CARMIL1: variants seen among roughly 807,000 people sequenced by gnomAD.
The protein encoded by CARMIL1 is capping protein regulator and myosin 1 linker 1.
In CARMIL1, 90 loss-of-function variants were observed where a neutral mutation model predicts 177.1. The observed-to-expected ratio is 0.51, with a 90% CI of 0.43 to 0.61. CARMIL1 has a LOEUF of 0.61. Among genes scored for constraint, CARMIL1 ranks in the 20% least tolerant of loss-of-function variants. The pLI, the probability that CARMIL1 is intolerant of heterozygous loss-of-function variation, is 0.00. For missense variants in CARMIL1, 1,380 were observed against 1,667.0 expected (o/e 0.83, Z 3.00); for synonymous variants, 577 against 606.2 (o/e 0.95, Z 0.71).
intron 2 of CARMIL1, among the ~76,000 whole-genome samples, chr6:25,386,916 T>C (rs1229863428): frequency 6.6e-6 from 1 of 151,344 alleles, no homozygotes; most frequent in Non-Finnish European, 1.5e-5. Context: ...TCACCTGAGG[T>C]CAGGAGTTCA....
chr6:25,433,748 G>A lies in CARMIL1; in HGVS notation c.250-1735G>A, dbSNP rs1048199247. On this transcript the variant is annotated intron_variant, in intron 4 of 36. Coordinates refer to ENST00000329474, the MANE Select transcript of CARMIL1 (RefSeq NM_017640.6). Reference sequence around the variant, plus strand: ...CAGAAGTGGTATTTATCAAATACTCGTTGACAGATTCTTCTAGAGGTATTT... The same window carrying A: ...CAGAAGTGGTATTTATCAAATACTCATTGACAGATTCTTCTAGAGGTATTT... Among the ~76,000 whole-genome samples the A allele has an allele frequency of 2.0e-5, 3 of 152,240 alleles. No individual in the cohort carries two copies. The East Asian group carries it at 5.8e-4, about 29-fold the overall frequency.
intron 26 of CARMIL1, among the ~76,000 whole-genome samples, chr6:25,544,641 A>ACACACACACC (rs1181480241): frequency 1.4e-5 from 2 of 143,990 alleles, no homozygotes; most frequent in African/African-American, 5.2e-5. Flanking sequence ...ACACACACAC[A>ACACACACACC]CACACCCCAA....
At chr6:25,345,747 G>C (rs560120124) in intron 2 of CARMIL1, among the ~76,000 whole-genome samples, 67 of 152,266 alleles carry the variant, frequency 4.4e-4, no homozygotes, top group African/African-American at 1.6e-3. Context: ...CTCCTGAGTA[G>C]CTGGGCTTAC....
At chr6:25,451,973 T>C in intron 8 of CARMIL1, 1 of 465,142 alleles carries the variant, frequency 2.1e-6, no homozygotes, top group Admixed American at 2.5e-5. Flanking sequence ...TGTCATCTCA[T>C]CACTAGCATC....
At chr6:25,532,797 C>T (rs1033184668) in intron 24 of CARMIL1, among the ~76,000 whole-genome samples, 6 of 152,170 alleles carry the variant, frequency 3.9e-5, no homozygotes, top group Non-Finnish European at 8.8e-5. Flanking sequence ...AATTAGGACT[C>T]AGCAAACCTT....
At chr6:25,438,682 G>T (rs897474426) in intron 5 of CARMIL1, among the ~76,000 whole-genome samples, 1 of 152,152 alleles carries the variant, frequency 6.6e-6, no homozygotes, top group African/African-American at 2.4e-5. Flanking sequence ...GAACAAAGAT[G>T]GGAAGGGATG....
intron 2 of CARMIL1, among the ~76,000 whole-genome samples, chr6:25,391,776 A>T (rs1294663846): frequency 6.6e-6 from 1 of 152,176 alleles, no homozygotes; most frequent in Admixed American, 6.5e-5. Context: ...ACATCTGTAG[A>T]GGCATGGTGG....
chr6:25,481,073 C>A (rs1051737743), intron 11 of CARMIL1, among the ~76,000 whole-genome samples: 1 of 151,964 alleles, frequency 6.6e-6, no homozygotes, highest in Admixed American at 6.5e-5. Context: ...TGTCTTCCCC[C>A]CTTTCCCACA....
At chr6:25,367,114 G>A (rs561419401) in intron 2 of CARMIL1, among the ~76,000 whole-genome samples, 3 of 152,132 alleles carry the variant, frequency 2.0e-5, no homozygotes, top group African/African-American at 7.2e-5. Flanking sequence ...GTGAAAATTG[G>A]TTTCTCTCAA....
chr6:25,327,664 T>C (rs1192252651), intron 2 of CARMIL1, among the ~76,000 whole-genome samples: 1 of 152,192 alleles, frequency 6.6e-6, no homozygotes, highest in African/African-American at 2.4e-5. Flanking sequence ...CTTTTATTAC[T>C]ATATTTAAAG....
chr6:25,356,247 C>T (rs1419390060), intron 2 of CARMIL1, among the ~76,000 whole-genome samples: 1 of 152,048 alleles, frequency 6.6e-6, no homozygotes, highest in Non-Finnish European at 1.5e-5. Context: ...TTAGTAGAGA[C>T]AGGGTTTCAC....
At chr6:25,486,187 C>G (rs1298514315) in intron 12 of CARMIL1, among the ~76,000 whole-genome samples, 1 of 152,266 alleles carries the variant, frequency 6.6e-6, no homozygotes, top group South Asian at 2.1e-4. Context: ...TTAGTTAGGG[C>G]TGTAAGAGCC....
At chr6:25,458,060 TA>T (rs201944159) in intron 8 of CARMIL1, among the ~76,000 whole-genome samples, 2,018 of 152,164 alleles carry the variant, frequency 0.013, 42 homozygotes, top group African/African-American at 0.044. Context: ...TAATAATAAC[TA>T]GGAAAATTAA....
chr6:25,383,837 TA>T (rs1165571715), intron 2 of CARMIL1: 2 of 152,170 alleles, frequency 1.3e-5, no homozygotes, highest in African/African-American at 4.8e-5. Context: ...ACATTTTATT[TA>T]TTTATTTATT....
chr6:25,500,713 TC>T (rs199577414), intron 17 of CARMIL1, among the ~76,000 whole-genome samples: 2,551 of 152,248 alleles, frequency 0.017, 53 homozygotes, highest in South Asian at 0.1. Context: ...TTCAAATACT[TC>T]CTATCAAAGA....
rs1391217375 is a variant in CARMIL1 at position 25,311,113 on chromosome 6, C to T, written c.138+26204C>T. ...CAGAGAATTGCTTGAACCCAGGAGG[C>T]GGAGGTTGCAGTGAGCCAAGATCGT... On this transcript the variant is annotated intron_variant, in intron 2 of 36. Transcript: ENST00000329474. 3.3e-5 allele frequency among the ~76,000 whole-genome samples: 5 copies of T among 151,948 alleles called. No homozygotes were observed. In the East Asian group the frequency reaches 7.7e-4, roughly 23 times the overall value.
chr6:25,611,853 A>G (rs1431405424), intron 36 of CARMIL1, among the ~76,000 whole-genome samples: 1 of 152,182 alleles, frequency 6.6e-6, no homozygotes, highest in Admixed American at 6.5e-5. Flanking sequence ...AAAGTCGGGG[A>G]GATACTGGAT....
At chr6:25,582,148 C>A (rs1420565826) in intron 31 of CARMIL1, among the ~76,000 whole-genome samples, 2 of 152,216 alleles carry the variant, frequency 1.3e-5, no homozygotes, top group Non-Finnish European at 2.9e-5. Context: ...CCTTCTATAT[C>A]TACCTACCCT....
chr6:25,319,618 A>G (rs1282587771), intron 2 of CARMIL1, among the ~76,000 whole-genome samples: 3 of 152,120 alleles, frequency 2.0e-5, no homozygotes, highest in East Asian at 1.9e-4. Flanking sequence ...TACACATTTA[A>G]TACACATTTT....
Sources: gnomAD v4.1 joint callset for allele counts (sites outside exome capture counted in the v4.1 genomes callset) on GRCh38, gnomAD v4.1.1 for gene constraint, MANE v1.5 for transcripts, NCBI Gene and HGNC (gene_info 2026-07-23, HGNC 2026-07-21) for gene names.